Variants in RYR3 observed in about 807,000 individuals in gnomAD.
The protein encoded by RYR3 is ryanodine receptor 3, also known as brain ryanodine receptor-calcium release channel.
Under a neutral mutation model 584.3 loss-of-function variants are expected in RYR3, and 207 were observed. The observed-to-expected ratio is 0.35, with a 90% CI of 0.32 to 0.40. RYR3 has a LOEUF of 0.40. RYR3 is among the 10% of genes least tolerant of loss of function. RYR3 has a pLI of 1.00. For synonymous variants in RYR3, 2,416 were observed against 2,248.5 expected (o/e 1.07, Z -2.11); for missense variants, 5,616 against 6,089.2 (o/e 0.92, Z 2.59).
At chr15:33,857,589 C>G (rs537702868) in intron 98 of RYR3, among the ~76,000 whole-genome samples, 191 bp from the exon 99 acceptor site, 7 of 152,150 alleles carry the variant, frequency 4.6e-5, no homozygotes, top group African/African-American at 1.4e-4. Context: ...GCCCGCTTCT[C>G]TTTACCTGTG....
intron 2 of RYR3, among the ~76,000 whole-genome samples, chr15:33,475,421 C>G (rs983056380): frequency 6.6e-6 from 1 of 152,150 alleles, no homozygotes; most frequent in Non-Finnish European, 1.5e-5. Flanking sequence ...CTCAGATCAT[C>G]GGGCATTAGA....
At chr15:33,392,681 C>T (rs1475469552) in intron 1 of RYR3, among the ~76,000 whole-genome samples, 2 of 152,102 alleles carry the variant, frequency 1.3e-5, no homozygotes, top group African/African-American at 2.4e-5. Context: ...GTAGAGAAGC[C>T]CCTTACACAG....
intron 1 of RYR3, among the ~76,000 whole-genome samples, chr15:33,367,158 T>C (rs1975621638): frequency 6.6e-6 from 1 of 152,218 alleles, no homozygotes; most frequent in Non-Finnish European, 1.5e-5. Context: ...TACCTCCTAG[T>C]GGCTATGTCA....
intron 14 of RYR3, among the ~76,000 whole-genome samples, chr15:33,582,243 T>A (rs879492213): frequency 6.6e-6 from 1 of 152,162 alleles, no homozygotes; most frequent in African/African-American, 2.4e-5. Flanking sequence ...GAAGACAGTA[T>A]GAGCCTGTGC....
intron 28 of RYR3, 161 bp from the exon 29 acceptor site, chr15:33,646,190 G>T (rs2062092797): frequency 6.7e-6 from 4 of 594,168 alleles, no homozygotes; most frequent in Non-Finnish European, 1.2e-5. Context: ...ACGGGACAAG[G>T]CCCAAGTAAT....
intron 1 of RYR3, among the ~76,000 whole-genome samples, chr15:33,344,260 G>T (rs1372710593): frequency 6.6e-6 from 1 of 152,188 alleles, no homozygotes. Context: ...CTTGCACCTT[G>T]TACTGAAATC....
intron 38 of RYR3, among the ~76,000 whole-genome samples, chr15:33,677,923 G>A (rs746639889): frequency 6.6e-6 from 1 of 152,206 alleles, no homozygotes. Flanking sequence ...ATAGAGTCAG[G>A]AGGCTCCATA....
chr15:33,432,082 T>A (rs1449176247), intron 1 of RYR3, among the ~76,000 whole-genome samples: 2 of 152,218 alleles, frequency 1.3e-5, no homozygotes, highest in Non-Finnish European at 2.9e-5. Context: ...TGCTGGCTCT[T>A]GTTTGACTCA....
chr15:33,434,976 C>T, intron 1 of RYR3, among the ~76,000 whole-genome samples: 1 of 152,090 alleles, frequency 6.6e-6, no homozygotes, highest in East Asian at 1.9e-4. Flanking sequence ...CACCACCATG[C>T]CTGGCTAATT....
chr15:33,520,277 A>G lies in RYR3; in HGVS notation c.280-10315A>G, dbSNP rs1033407579. On this transcript the variant is annotated intron_variant, in intron 3 of 103. Coordinates refer to ENST00000634891, the MANE Select transcript of RYR3 (RefSeq NM_001036.6). ...ACAGTGAGTTTTTTTATAGAGAAAC[A>G]GTAGATTAGAAACAGTGTTCAAATT... Among the ~76,000 whole-genome samples, 3 of 152,332 alleles carry G rather than the reference A, an allele frequency of 2.0e-5. No homozygotes were observed. The East Asian group carries it at 5.8e-4, about 29-fold the overall frequency.
intron 55 of RYR3, 69 bp from the exon 56 acceptor site, chr15:33,749,910 C>A: frequency 7.2e-7 from 1 of 1,390,232 alleles, no homozygotes; most frequent in South Asian, 1.2e-5. Flanking sequence ...CCTGAAATGA[C>A]CTAGCAGCTA....
At chr15:33,776,447 T>C (rs2073998043) in intron 64 of RYR3, among the ~76,000 whole-genome samples, 1 of 152,212 alleles carries the variant, frequency 6.6e-6, no homozygotes, top group Admixed American at 6.5e-5. Flanking sequence ...AGCTTGAAAC[T>C]TGGTAACGTT....
intron 1 of RYR3, among the ~76,000 whole-genome samples, chr15:33,351,949 A>G (rs1002629996): frequency 5.9e-5 from 9 of 152,066 alleles, no homozygotes; most frequent in Admixed American, 5.9e-4. Flanking sequence ...GTATTCAATT[A>G]GGAAAAAGAA....
At chr15:33,638,105 A>G (rs1268850190) in intron 27 of RYR3, among the ~76,000 whole-genome samples, 1 of 152,256 alleles carries the variant, frequency 6.6e-6, no homozygotes, top group African/African-American at 2.4e-5. Flanking sequence ...AAATGACTAA[A>G]GTCAAATGGA....
chr15:33,496,663 ACT>A (rs1159209840), intron 2 of RYR3, among the ~76,000 whole-genome samples: 1 of 151,854 alleles, frequency 6.6e-6, no homozygotes, highest in African/African-American at 2.4e-5. Context: ...GGAAAGAATA[ACT>A]CTCCCATTTG....
intron 1 of RYR3, among the ~76,000 whole-genome samples, chr15:33,328,488 C>T (rs1970010212): frequency 6.6e-6 from 1 of 152,214 alleles, no homozygotes; most frequent in Non-Finnish European, 1.5e-5. Flanking sequence ...GGTTCCTTCT[C>T]TATCACTAAT....
intron 102 of RYR3, among the ~76,000 whole-genome samples, chr15:33,862,751 C>T (rs2153022673): frequency 1.3e-5 from 2 of 152,212 alleles, no homozygotes; most frequent in South Asian, 2.1e-4. Flanking sequence ...GCTGGGACTA[C>T]AGGCACCTGC....
At position 33,842,002 on chromosome 15, in the gene RYR3, T is replaced by C. The variant is rs1212820699; in HGVS notation, c.13176T>C (p.Phe4392=). The C allele has an allele frequency of 6.2e-7, 1 of 1,603,356 alleles. No individual in the cohort carries two copies. The highest frequency in any genetic ancestry group is 8.5e-7 in the Non-Finnish European group (1 of 1,174,770). The change falls in exon 91 of 104, where the codon TTT becomes TTC. Residue 4392 remains phenylalanine, a synonymous_variant. Transcript: ENST00000634891. ...CGGAAGCTTTCACAGCCAATTTCTT[T>C]AAAGGGCTGGAAATCTATCAGACCA... ...EKPEAFTANF[F]KGLEIYQTKL...
At chr15:33,640,925 C>T (rs1007043171) in intron 27 of RYR3, among the ~76,000 whole-genome samples, 4 of 152,158 alleles carry the variant, frequency 2.6e-5, no homozygotes, top group Non-Finnish European at 5.9e-5. Context: ...GTTCATTAAG[C>T]TGTGTGCAAT....
Sources: allele counts gnomAD v4.1 joint callset (sites outside exome capture counted in the v4.1 genomes callset), GRCh38; gene constraint gnomAD v4.1.1; transcripts MANE v1.5; gene names NCBI Gene and HGNC (gene_info 2026-07-23, HGNC 2026-07-21).